CFTR: variants seen among roughly 807,000 people sequenced by gnomAD.
CFTR encodes the protein cystic fibrosis transmembrane conductance regulator.
Under a neutral mutation model 171.6 loss-of-function variants are expected in CFTR, and 181 were observed. That is an observed-to-expected ratio of 1.05 (90% CI 0.93 to 1.19). CFTR has a LOEUF of 1.19. Among genes scored for constraint, CFTR ranks in the 50% most tolerant of loss-of-function variants. CFTR has a pLI of 0.00. For missense variants in CFTR, 1,968 were observed against 1,734.7 expected (o/e 1.13, Z -2.39); for synonymous variants, 583 against 608.0 (o/e 0.96, Z 0.60).
chr7:117,567,867 T>C (rs1323024290), intron 11 of CFTR, among the ~76,000 whole-genome samples: 2 of 152,212 alleles, frequency 1.3e-5, no homozygotes, highest in African/African-American at 4.8e-5. Flanking sequence ...TTGGTTAATG[T>C]AGGGTTCTTA....
intron 1 of CFTR, among the ~76,000 whole-genome samples, chr7:117,489,705 G>T (rs1798126018): frequency 6.6e-6 from 1 of 151,664 alleles, no homozygotes; most frequent in Admixed American, 6.6e-5. Flanking sequence ...GATGTCAGCA[G>T]AAGCTTTCCT....
At chr7:117,649,519 A>T (rs11305516) in intron 23 of CFTR, among the ~76,000 whole-genome samples, 42,355 of 103,158 alleles carry the variant, frequency 0.41, 7,931 homozygotes, top group African/African-American at 0.66. Flanking sequence ...ATATATATAT[A>T]TTTTTTTTTT....
chr7:117,484,968 T>C (rs1475830502), intron 1 of CFTR, among the ~76,000 whole-genome samples: 3 of 152,182 alleles, frequency 2.0e-5, no homozygotes, highest in African/African-American at 7.2e-5. Context: ...TTATGTTTGA[T>C]GTGACAGTCA....
chr7:117,603,289 A>T (rs1458893112), intron 16 of CFTR, among the ~76,000 whole-genome samples: 1 of 152,234 alleles, frequency 6.6e-6, no homozygotes, highest in East Asian at 1.9e-4. Context: ...TTGAAATAAC[A>T]TTACATATTT....
rs1186141962 is a variant in CFTR at position 117,530,891 on chromosome 7, T to C, written c.274-8T>C. On this transcript the variant is annotated splice_region_variant and splice_polypyrimidine_tract_variant and intron_variant, in intron 3 of 26. Coordinates refer to ENST00000003084, the MANE Select transcript of CFTR (RefSeq NM_000492.4). ...AAATTTAATTTCTCTGTTTTTCCCCTTTTGTAGGAAGTCACCAAAGCAGTA... is the reference window on the plus strand; with the variant it reads ...AAATTTAATTTCTCTGTTTTTCCCCCTTTGTAGGAAGTCACCAAAGCAGTA... 14 of 1,582,226 alleles carry C rather than the reference T, an allele frequency of 8.8e-6. No homozygotes were observed. Among genetic ancestry groups the C allele is most frequent in the Admixed American group, 1.7e-5 (1 of 59,756 alleles).
intron 11 of CFTR, among the ~76,000 whole-genome samples, chr7:117,581,505 TGA>T (rs772228965): frequency 2.6e-5 from 4 of 152,200 alleles, no homozygotes; most frequent in Non-Finnish European, 5.9e-5. Flanking sequence ...TACAAAATTA[TGA>T]GAGTTACCAA....
At chr7:117,599,388 GTGT>G (rs1441343584) in intron 15 of CFTR, among the ~76,000 whole-genome samples, 2 of 152,202 alleles carry the variant, frequency 1.3e-5, no homozygotes, top group South Asian at 2.1e-4. Context: ...AATTAATTAA[GTGT>G]TGATCTGCTT....
intron 26 of CFTR, 35 bp downstream of exon 26, chr7:117,665,599 C>A: frequency 8.0e-7 from 1 of 1,245,450 alleles, no homozygotes; most frequent in Non-Finnish European, 1.2e-6. Context: ...GATCTCATTG[C>A]CCTTGTAATT....
intron 23 of CFTR, among the ~76,000 whole-genome samples, chr7:117,643,260 T>C (rs1220461933): frequency 6.6e-6 from 1 of 152,106 alleles, no homozygotes; most frequent in Non-Finnish European, 1.5e-5. Flanking sequence ...CTGGACAGCA[T>C]TTACTGTATT....
intron 11 of CFTR, among the ~76,000 whole-genome samples, chr7:117,574,496 G>C (rs1302130772): frequency 6.6e-6 from 1 of 151,996 alleles, no homozygotes; most frequent in Admixed American, 6.6e-5. Context: ...AAATACATTA[G>C]CTCAGAACAT....
chr7:117,603,708 C>A lies in CFTR; in HGVS notation c.2834C>A (p.Ser945Ter). The change falls in exon 17 of 27, where the codon TCG becomes TAG. Residue 945 changes from serine to a stop codon, truncating the protein, a stop_gained. Coordinates refer to ENST00000003084, the MANE Select transcript of CFTR (RefSeq NM_000492.4). LOFTEE classifies it high-confidence loss of function. ...LPLVHTLITV[S>*]KILHHKMLHS... ...CTGGTGCATACTCTAATCACAGTGTCGAAAATTTTACACCACAAAATGTTA... is the reference window on the plus strand; with the variant it reads ...CTGGTGCATACTCTAATCACAGTGTAGAAAATTTTACACCACAAAATGTTA... 6.2e-7 allele frequency: 1 copy of A among 1,614,010 alleles called. No individual in the cohort carries two copies. The highest frequency in any genetic ancestry group is 8.5e-7 in the Non-Finnish European group (1 of 1,179,938).
intron 22 of CFTR, among the ~76,000 whole-genome samples, chr7:117,639,273 C>G (rs919738461): frequency 1.3e-5 from 2 of 152,174 alleles, no homozygotes; most frequent in Non-Finnish European, 2.9e-5. Flanking sequence ...AATGTAGCAG[C>G]TATTTCACAA....
intron 22 of CFTR, among the ~76,000 whole-genome samples, chr7:117,633,214 G>T (rs938036521): frequency 5.9e-5 from 9 of 151,984 alleles, no homozygotes; most frequent in African/African-American, 2.2e-4. Flanking sequence ...TCCTCATATA[G>T]TCTTTTAAAA....
rs146811028 is a variant in CFTR at position 117,573,036 on chromosome 7, TTC to T, written c.1584+13401_1584+13402del. On this transcript the variant is annotated intron_variant, in intron 11 of 26. Coordinates refer to ENST00000003084, the MANE Select transcript of CFTR (RefSeq NM_000492.4). Reference sequence around the variant, plus strand: ...ACCATTAAATGTAACACTCCACCCTTTCTCTCTCTCTCTCTCTCTCTTGCTCT... The same window carrying T: ...ACCATTAAATGTAACACTCCACCCTTTCTCTCTCTCTCTCTCTCTTGCTCT... 5.6e-4 allele frequency among the ~76,000 whole-genome samples: 81 copies of T among 143,846 alleles called. 1 individual carries two copies. The highest frequency in any genetic ancestry group is 1.2e-3 in the Admixed American group (18 of 14,504). 94.4% of individuals were successfully genotyped at this position (143,846 alleles called of 152,430 possible).
intron 1 of CFTR, among the ~76,000 whole-genome samples, chr7:117,484,115 G>T (rs910426252): frequency 6.6e-6 from 1 of 152,084 alleles, no homozygotes; most frequent in Non-Finnish European, 1.5e-5. Flanking sequence ...AAATATTTTT[G>T]CAGTTTGTTG....
At chr7:117,575,358 A>G (rs960324938) in intron 11 of CFTR, among the ~76,000 whole-genome samples, 2 of 152,116 alleles carry the variant, frequency 1.3e-5, no homozygotes, top group South Asian at 2.1e-4. Flanking sequence ...TACTTGTAAG[A>G]TGCTATATAT....
chr7:117,597,355 A>G (rs892232703), intron 15 of CFTR, among the ~76,000 whole-genome samples: 2 of 152,216 alleles, frequency 1.3e-5, no homozygotes, highest in African/African-American at 4.8e-5. Flanking sequence ...TCTCGAAGTC[A>G]GTGAGACCAA....
At chr7:117,491,130 C>T (rs35141759) in intron 1 of CFTR, among the ~76,000 whole-genome samples, 17,785 of 151,984 alleles carry the variant, frequency 0.12, 1,130 homozygotes, top group Middle Eastern at 0.13. Flanking sequence ...CAAACCTGTA[C>T]GGCTTGTTAC....
intron 22 of CFTR, among the ~76,000 whole-genome samples, chr7:117,636,086 G>T (rs1792824371): frequency 6.6e-6 from 1 of 152,052 alleles, no homozygotes; most frequent in Admixed American, 6.6e-5. Flanking sequence ...TTGTTTGTCT[G>T]ATAGAGACTT....
Sources: allele counts gnomAD v4.1 joint callset (sites outside exome capture counted in the v4.1 genomes callset), GRCh38; gene constraint gnomAD v4.1.1; transcripts MANE v1.5; gene names NCBI Gene and HGNC (gene_info 2026-07-23, HGNC 2026-07-21).